Variants in ADARB2 observed in about 807,000 individuals in gnomAD.
The protein encoded by ADARB2 is inactive double-stranded RNA-specific editase B2.
In ADARB2, 25 loss-of-function variants were observed where a neutral mutation model predicts 62.2. The ratio of observed to expected loss-of-function variants is 0.40; its 90% confidence interval spans 0.29 to 0.56. ADARB2 has a LOEUF of 0.56. Among genes scored for constraint, ADARB2 ranks in the 20% least tolerant of loss-of-function variants. The probability of loss-of-function intolerance (pLI) is 0.43; values close to 1 mark genes in which losing one functional copy is unlikely to be tolerated. For synonymous variants in ADARB2, 572 were observed against 500.8 expected, an observed-to-expected ratio of 1.14 and a Z score of -1.90; for missense variants, 1,071 against 1,077.4, an observed-to-expected ratio of 0.99 and a Z score of 0.08.
At chr10:1,406,463 C>T (rs1018378567) in intron 1 of ADARB2, among the ~76,000 whole-genome samples, 3 of 152,200 alleles carry the variant, frequency 2.0e-5, no homozygotes, top group African/African-American at 7.2e-5. Context: ...CACAGAGGAT[C>T]ACCTCCTAAA....
intron 1 of ADARB2, among the ~76,000 whole-genome samples, chr10:1,653,571 C>CA: frequency 6.9e-6 from 1 of 144,106 alleles, no homozygotes; most frequent in South Asian, 2.1e-4. Context: ...CTCCACCCCA[C>CA]GCCTCATGTG....
chr10:1,312,926 G>A (rs1193749328), intron 3 of ADARB2, among the ~76,000 whole-genome samples: 2 of 152,216 alleles, frequency 1.3e-5, no homozygotes, highest in Admixed American at 1.3e-4. Flanking sequence ...TTTATAGATG[G>A]TGGGGGATGG....
chr10:1,715,485 T>G (rs1457039014), intron 1 of ADARB2, among the ~76,000 whole-genome samples: 1 of 152,116 alleles, frequency 6.6e-6, no homozygotes. Context: ...TTAAAAAAAT[T>G]GTAGATGAAA....
chr10:1,183,356 G>A lies in ADARB2; in HGVS notation c.2057C>T (p.Thr686Ile). ...GGAGGGCGTGTCTCCAGGGCTGGGT[G>A]TCCGTGTGCTCAGCTGCGGACAAGA... ...ARLYGRLSTR[T>I]PSPGDTPSMY... The change falls in exon 10 of 10, where the codon ACA becomes ATA. Residue 686 changes from threonine to isoleucine, a missense_variant. By Grantham distance (89) the Thr-to-Ile change is moderately conservative. Transcript: ENST00000381312. The A allele has an allele frequency of 4.3e-6, 7 of 1,613,486 alleles. No individual in the cohort carries two copies. Among genetic ancestry groups the A allele is most frequent in the Non-Finnish European group, 5.9e-6 (7 of 1,179,442 alleles).
intron 3 of ADARB2, among the ~76,000 whole-genome samples, chr10:1,284,117 A>G (rs1831392138): frequency 6.6e-6 from 1 of 152,198 alleles, no homozygotes; most frequent in South Asian, 2.1e-4. Flanking sequence ...TATTTATGGA[A>G]TGCTTCTCAG....
chr10:1,302,221 G>A (rs892163796), intron 3 of ADARB2, among the ~76,000 whole-genome samples: 38 of 152,326 alleles, frequency 2.5e-4, no homozygotes, highest in Non-Finnish European at 4.7e-4. Context: ...CTTGGGAAGC[G>A]CAAGGGGTCA....
chr10:1,421,723 A>G (rs1472316337), intron 1 of ADARB2, among the ~76,000 whole-genome samples: 3 of 152,136 alleles, frequency 2.0e-5, no homozygotes, highest in South Asian at 4.1e-4. Context: ...TGTCCTTTCC[A>G]TTGTAAGATT....
At chr10:1,583,859 C>T (rs1324779089) in intron 1 of ADARB2, among the ~76,000 whole-genome samples, 6 of 152,038 alleles carry the variant, frequency 3.9e-5, no homozygotes, top group Admixed American at 3.3e-4. Flanking sequence ...AGAAATAGAC[C>T]CACACAAATA....
chr10:1,444,166 C>G (rs1039992403), intron 1 of ADARB2, among the ~76,000 whole-genome samples: 22 of 151,740 alleles, frequency 1.4e-4, no homozygotes, highest in African/African-American at 5.3e-4. Context: ...ATCCATCCAC[C>G]CACCCACTTA....
At chr10:1,245,649 C>A (rs919123888) in intron 4 of ADARB2, among the ~76,000 whole-genome samples, 9 of 152,116 alleles carry the variant, frequency 5.9e-5, no homozygotes, top group African/African-American at 9.7e-5. Context: ...CATCCATGTC[C>A]CTACAAAGGA....
intron 3 of ADARB2, among the ~76,000 whole-genome samples, chr10:1,343,968 C>A (rs896563769): frequency 2.0e-5 from 3 of 152,138 alleles, no homozygotes; most frequent in African/African-American, 7.2e-5. Flanking sequence ...ACCAAACCCC[C>A]ACAACACACA....
intron 1 of ADARB2, among the ~76,000 whole-genome samples, chr10:1,603,261 G>A (rs55936526): frequency 0.25 from 37,557 of 152,184 alleles, 4,965 homozygotes; most frequent in East Asian, 0.4. Flanking sequence ...CAGCACCCCC[G>A]GATGACAGCA....
intron 1 of ADARB2, among the ~76,000 whole-genome samples, chr10:1,407,047 A>G (rs1236330993): frequency 2.6e-5 from 4 of 152,242 alleles, no homozygotes; most frequent in African/African-American, 9.6e-5. Flanking sequence ...TAAAGCAGGC[A>G]TCCATAAAGC....
chr10:1,714,527 AAC>A (rs1436106198), intron 1 of ADARB2, among the ~76,000 whole-genome samples: 3 of 152,368 alleles, frequency 2.0e-5, no homozygotes, highest in Non-Finnish European at 4.4e-5. Context: ...AGAATGTGGA[AAC>A]AGTCTTCTCT....
chr10:1,521,781 C>T (rs1234613528), intron 1 of ADARB2, among the ~76,000 whole-genome samples: 2 of 150,996 alleles, frequency 1.3e-5, no homozygotes, highest in African/African-American at 4.9e-5. Context: ...CCCCATCCAC[C>T]CCCCACTACC....
intron 3 of ADARB2, among the ~76,000 whole-genome samples, chr10:1,306,482 G>A (rs1470109162): frequency 6.6e-6 from 1 of 151,954 alleles, no homozygotes; most frequent in Non-Finnish European, 1.5e-5. Context: ...TGGCCATACT[G>A]CCCAAGGTAA....
intron 1 of ADARB2, among the ~76,000 whole-genome samples, chr10:1,602,921 A>T (rs1182890793): frequency 6.6e-6 from 1 of 151,986 alleles, no homozygotes; most frequent in Non-Finnish European, 1.5e-5. Context: ...ACCTGTATAT[A>T]CATAGATGCA....
chr10:1,464,211 A>G (rs1430582457), intron 1 of ADARB2, among the ~76,000 whole-genome samples: 337 of 133,460 alleles, frequency 2.5e-3, no homozygotes, highest in African/African-American at 9.1e-3. Flanking sequence ...ACACTCCCCC[A>G]CACACGCGCT....
chr10:1,728,665 A>T (rs2119043445), intron 1 of ADARB2, among the ~76,000 whole-genome samples: 1 of 152,384 alleles, frequency 6.6e-6, no homozygotes, highest in South Asian at 2.1e-4. Flanking sequence ...ACATAAAATT[A>T]TATGAACTCT....
Sources: gnomAD v4.1 joint callset for allele counts (sites outside exome capture counted in the v4.1 genomes callset) on GRCh38, gnomAD v4.1.1 for gene constraint, MANE v1.5 for transcripts, NCBI Gene and HGNC (gene_info 2026-07-23, HGNC 2026-07-21) for gene names.